TCF4: variants seen among roughly 807,000 people sequenced by gnomAD.
TCF4 encodes transcription factor 4.
In TCF4, 3 loss-of-function variants were observed where a neutral mutation model predicts 82.1. The ratio of observed to expected loss-of-function variants is 0.04; its 90% CI spans 0.02 to 0.09. The LOEUF is 0.09. TCF4 is among the 10% of genes least tolerant of loss of function. The pLI is 1.00. For synonymous variants in TCF4, 276 were observed against 309.6 expected, an observed-to-expected ratio of 0.89 and a Z score of 1.14; for missense variants, 518 against 852.7, an observed-to-expected ratio of 0.61 and a Z score of 4.89.
At chr18:55,608,820 G>T (rs761703059) in intron 2 of TCF4, among the ~76,000 whole-genome samples, 12 of 152,228 alleles carry the variant, frequency 7.9e-5, no homozygotes, top group Non-Finnish European at 1.5e-4. Context: ...AGGAGGTATG[G>T]ACATTAATGT....
At chr18:55,556,588 C>G (rs1420272190) in intron 3 of TCF4, among the ~76,000 whole-genome samples, 1 of 152,236 alleles carries the variant, frequency 6.6e-6, no homozygotes, top group Non-Finnish European at 1.5e-5. Context: ...CTCCTGGGCT[C>G]AAGCTATCCA....
At chr18:55,576,501 C>T (rs976795234) in intron 3 of TCF4, among the ~76,000 whole-genome samples, 1 of 152,088 alleles carries the variant, frequency 6.6e-6, no homozygotes, top group African/African-American at 2.4e-5. Context: ...GAGTTGACTC[C>T]ACTTTAGAGC....
At chr18:55,519,488 C>T (rs2096915603) in intron 3 of TCF4, among the ~76,000 whole-genome samples, 2 of 151,156 alleles carry the variant, frequency 1.3e-5, no homozygotes, top group African/African-American at 2.4e-5. Context: ...ACCATTGTAC[C>T]AACTGTCCCC....
intron 8 of TCF4, among the ~76,000 whole-genome samples, chr18:55,320,224 T>C (rs1192449909): frequency 6.6e-6 from 1 of 152,124 alleles, no homozygotes; most frequent in African/African-American, 2.4e-5. Context: ...AATCCCAATA[T>C]TTATGTTTAC....
intron 2 of TCF4, among the ~76,000 whole-genome samples, chr18:55,602,634 C>T (rs1396448400): frequency 6.6e-6 from 1 of 152,224 alleles, no homozygotes; most frequent in South Asian, 2.1e-4. Context: ...ATTACATCCA[C>T]GGGCCATTAC....
rs1351174144 is a variant in TCF4 at position 55,588,129 on chromosome 18, T to TGCGCCCGCTCCC, written c.-124_-113dup. On this transcript the variant is annotated 5_prime_UTR_variant, in exon 1 of 20. Transcript: ENST00000354452. ...CGCCGCCACCGCCGCCGCCTGCTCC[T>TGCGCCCGCTCCC]GCGCCCGCTCCCGCGCCTGCTGCCT... 9.5e-7 allele frequency: 1 copy of TGCGCCCGCTCCC among 1,055,538 alleles called. No individual in the cohort carries two copies. The highest frequency in any genetic ancestry group is 5.7e-5 in the Admixed American group (1 of 17,492). 65.4% of individuals were successfully genotyped at this position (1,055,538 alleles called of 1,614,324 possible). A position where few individuals can be genotyped will look rare whatever the true frequency, so the allele number is the denominator to read the frequency against.
intron 5 of TCF4, among the ~76,000 whole-genome samples, chr18:55,459,499 T>A (rs2095833038): frequency 6.6e-6 from 1 of 152,194 alleles, no homozygotes; most frequent in Admixed American, 6.5e-5. Flanking sequence ...CATTTTAGGA[T>A]CCAAGGAAGT....
chr18:55,297,484 C>T (rs2066886410), intron 8 of TCF4, among the ~76,000 whole-genome samples: 1 of 152,044 alleles, frequency 6.6e-6, no homozygotes, highest in Admixed American at 6.6e-5. Context: ...TCTTCACACA[C>T]TAAGTGAATG....
At chr18:55,409,078 C>A (rs1351706456) in intron 5 of TCF4, among the ~76,000 whole-genome samples, 1 of 152,102 alleles carries the variant, frequency 6.6e-6, no homozygotes, top group African/African-American at 2.4e-5. Context: ...AACTAATTAA[C>A]AAAAACATGG....
At chr18:55,346,832 G>A (rs2081284002) in intron 8 of TCF4, among the ~76,000 whole-genome samples, 1 of 152,136 alleles carries the variant, frequency 6.6e-6, no homozygotes, top group Non-Finnish European at 1.5e-5. Context: ...TGTGTTTGAT[G>A]AAAGTATCTT....
In TCF4 at chr18:55,468,885, C is replaced by CG. The variant is rs1173185314; in HGVS notation, c.146-4749_146-4748insC. ...TGCTGAATCTATTTAGTTCTCGCCCCCCCCCCCCTTGTTCTATTGCCACCC... is the reference window on the plus strand; with the variant it reads ...TGCTGAATCTATTTAGTTCTCGCCCCGCCCCCCCCTTGTTCTATTGCCACCC... On this transcript the variant is annotated intron_variant, in intron 3 of 19. Transcript: ENST00000354452. Among the ~76,000 whole-genome samples the CG allele has an allele frequency of 1.1e-3, 133 of 120,998 alleles. 1 individual carries two copies. The highest frequency in any genetic ancestry group is 1.8e-3 in the Non-Finnish European group (98 of 54,670). The allele number at this position is 120,998 out of a possible 152,430, so 79.4% of individuals were successfully genotyped here.
At chr18:55,504,520 G>T (rs1349354257) in intron 3 of TCF4, among the ~76,000 whole-genome samples, 3 of 152,168 alleles carry the variant, frequency 2.0e-5, no homozygotes, top group African/African-American at 4.8e-5. Flanking sequence ...AGAAAAATAT[G>T]ATTATACCAT....
chr18:55,409,202 T>C (rs957515105), intron 5 of TCF4, among the ~76,000 whole-genome samples: 2 of 152,154 alleles, frequency 1.3e-5, no homozygotes, highest in Non-Finnish European at 2.9e-5. Context: ...CATCACTCAG[T>C]GTCATCTATA....
In TCF4 at chr18:55,571,152, T is replaced by C. The variant is rs528611122; in HGVS notation, c.145+14128A>G. On this transcript the variant is annotated intron_variant, in intron 3 of 19. Coordinates refer to ENST00000354452, the MANE Select transcript of TCF4 (RefSeq NM_001083962.2). ...GAGAAACATACAAGAAAGTTTGTAG[T>C]TCCAAAAAAGAGGAACACAAAGGTT... Among the ~76,000 whole-genome samples, 5 of 152,032 alleles carry C rather than the reference T, an allele frequency of 3.3e-5. No individual in the cohort carries two copies. In the South Asian group the frequency reaches 1.0e-3, roughly 32 times the overall value.
chr18:55,608,699 G>A (rs1481235770), intron 2 of TCF4, among the ~76,000 whole-genome samples: 1 of 152,224 alleles, frequency 6.6e-6, no homozygotes, highest in East Asian at 1.9e-4. Flanking sequence ...TTATCCTTTT[G>A]AATATAAGCT....
At chr18:55,491,713 C>T (rs1206819056) in intron 3 of TCF4, among the ~76,000 whole-genome samples, 1 of 152,162 alleles carries the variant, frequency 6.6e-6, no homozygotes, top group Admixed American at 6.5e-5. Context: ...GTTTAATGGG[C>T]TCCGTTTACA....
At chr18:55,589,920 G>A, upstream of TCF4, 3 of 808,708 alleles carry the variant, frequency 3.7e-6, no homozygotes, top group Non-Finnish European at 4.5e-6. Context: ...CGGCCAAGAT[G>A]GCGGTGCTGG....
chr18:55,391,955 CTTTTTTTTTTTTTTTT>C (rs1212656712), intron 6 of TCF4, among the ~76,000 whole-genome samples: 1 of 61,710 alleles, frequency 1.6e-5, no homozygotes, highest in Non-Finnish European at 2.9e-5. Flanking sequence ...AAAAAAAAAT[CTTTTTTTTTTTTTTTT>C]TTTTTTTTTT....
intron 3 of TCF4, among the ~76,000 whole-genome samples, chr18:55,514,405 GCACACACACACACACACACACA>G (rs74182104): frequency 7.7e-6 from 1 of 130,170 alleles, no homozygotes; most frequent in Non-Finnish European, 1.7e-5. Context: ...ATCTATCCAT[GCACACACACACACACACACACA>G]CACACACACA....
Sources: allele counts gnomAD v4.1 joint callset (sites outside exome capture counted in the v4.1 genomes callset), GRCh38; gene constraint gnomAD v4.1.1; transcripts MANE v1.5; gene names NCBI Gene and HGNC (gene_info 2026-07-23, HGNC 2026-07-21).